PHLDB2: variants seen among roughly 807,000 people sequenced by gnomAD.
PHLDB2 encodes the protein pleckstrin homology like domain family B member 2.
A neutral mutation model predicts 123.6 loss-of-function variants in PHLDB2; 71 were observed. That is an observed-to-expected ratio of 0.57 (90% confidence interval 0.47 to 0.70). PHLDB2 has a LOEUF of 0.70. Among genes scored for constraint, PHLDB2 ranks in the 30% least tolerant of loss-of-function variants. The pLI is 0.00. For missense variants in PHLDB2, 1,446 were observed against 1,519.5 expected (o/e 0.95, Z 0.80); for synonymous variants, 547 against 541.6 (o/e 1.01, Z -0.14).
chr3:111,821,487 T>C (rs948799604), intron 1 of PHLDB2, among the ~76,000 whole-genome samples: 3 of 152,210 alleles, frequency 2.0e-5, no homozygotes, highest in Non-Finnish European at 4.4e-5. Context: ...TTTGATGCTG[T>C]AGCTCGAGGC....
chr3:111,848,301 T>C (rs1259244671), intron 2 of PHLDB2, among the ~76,000 whole-genome samples: 1 of 152,198 alleles, frequency 6.6e-6, no homozygotes, highest in Non-Finnish European at 1.5e-5. Flanking sequence ...AGGGTAAGGT[T>C]ACCCCCCGCC....
At chr3:111,924,781 TAGGAAAAA>T (rs1308367223) in intron 5 of PHLDB2, among the ~76,000 whole-genome samples, 1 of 152,158 alleles carries the variant, frequency 6.6e-6, no homozygotes, top group Non-Finnish European at 1.5e-5. Context: ...GCCGGAGCCA[TAGGAAAAA>T]GGTTTAATAA....
At chr3:111,754,955 A>C (rs1333940107) in intron 1 of PHLDB2, among the ~76,000 whole-genome samples, 1 of 145,968 alleles carries the variant, frequency 6.9e-6, no homozygotes, top group Non-Finnish European at 1.5e-5. Context: ...GATTACATTT[A>C]TTGATTTGCA....
At chr3:111,956,109 C>T (rs561811254) in intron 12 of PHLDB2, among the ~76,000 whole-genome samples, 46 of 152,264 alleles carry the variant, frequency 3.0e-4, no homozygotes, top group Admixed American at 1.9e-3. Flanking sequence ...GTAGGAGGAT[C>T]GCTTGAGCCT....
At chr3:111,753,661 C>T (rs1288391038) in intron 1 of PHLDB2, among the ~76,000 whole-genome samples, 2 of 152,046 alleles carry the variant, frequency 1.3e-5, no homozygotes, top group Non-Finnish European at 2.9e-5. Flanking sequence ...TAATTAGATC[C>T]CATTTGTGAA....
intron 1 of PHLDB2, among the ~76,000 whole-genome samples, chr3:111,821,598 G>A (rs996997860): frequency 1.3e-5 from 2 of 152,110 alleles, no homozygotes; most frequent in Admixed American, 6.6e-5. Context: ...CCACAATATG[G>A]AGGTAAACTG....
chr3:111,780,294 AGAG>A (rs1371011485), intron 1 of PHLDB2, among the ~76,000 whole-genome samples: 559 of 4,702 alleles, frequency 0.12, 174 homozygotes, highest in Non-Finnish European at 0.22. Context: ...AAGAAGAAGA[AGAG>A]GAAGAGGAAG....
chr3:111,809,235 T>C (rs2061726445), intron 1 of PHLDB2, among the ~76,000 whole-genome samples: 1 of 152,240 alleles, frequency 6.6e-6, no homozygotes, highest in African/African-American at 2.4e-5. Flanking sequence ...CCTGGGAAAC[T>C]CACTAATGTA....
At chr3:111,943,680 GAACAA>G (rs1479629623) in intron 8 of PHLDB2, among the ~76,000 whole-genome samples, 1 of 152,114 alleles carries the variant, frequency 6.6e-6, no homozygotes, top group Non-Finnish European at 1.5e-5. Flanking sequence ...ATATGAATTA[GAACAA>G]CAATTTAATT....
rs2071790089 is a variant in PHLDB2 at position 111,966,684 on chromosome 3, C to CG, written c.3150dup (p.Arg1051AlafsTer36). ...TTGAAGCAGGCTCATGCAGAAAAGA[C>CG]GCGGCTGCTCGAATCCAGGGTAAGC... is the stretch of plus-strand genomic sequence containing the variant. On this transcript the variant is annotated frameshift_variant, in exon 14 of 18. Coordinates refer to ENST00000431670, the MANE Select transcript of PHLDB2 (RefSeq NM_001134438.2). LOFTEE classifies it high-confidence loss of function. The CG allele has an allele frequency of 6.2e-7, 1 of 1,612,788 alleles. No homozygotes were observed. Among genetic ancestry groups the CG allele is most frequent in the Non-Finnish European group, 8.5e-7 (1 of 1,179,396 alleles).
chr3:111,800,130 T>G (rs540442179), intron 1 of PHLDB2, among the ~76,000 whole-genome samples: 11 of 152,122 alleles, frequency 7.2e-5, no homozygotes, highest in Admixed American at 7.2e-4. Flanking sequence ...TTCAACCTTC[T>G]GAGTAGCTAG....
chr3:111,782,535 C>T (rs1397980782), intron 1 of PHLDB2, among the ~76,000 whole-genome samples: 1 of 152,078 alleles, frequency 6.6e-6, no homozygotes, highest in Non-Finnish European at 1.5e-5. Flanking sequence ...TCTACTCTCC[C>T]CATAAGCTTG....
rs1228893657 is a variant in PHLDB2, at chr3:111,973,721, T to C, written c.3536-11T>C. 4 of 1,544,810 alleles carry C rather than the reference T, an allele frequency of 2.6e-6. No individual in the cohort carries two copies. The highest frequency in any genetic ancestry group is 3.6e-6 in the Non-Finnish European group (4 of 1,124,248). Reference sequence around the variant, plus strand: ...GGCGATAAAGTATTTAACACTTATCTGTCTTTGCAGACAAGCATGAAACTA... The same window carrying C: ...GGCGATAAAGTATTTAACACTTATCCGTCTTTGCAGACAAGCATGAAACTA... On this transcript the variant is annotated splice_polypyrimidine_tract_variant and intron_variant, in intron 16 of 17. Coordinates refer to ENST00000431670, the MANE Select transcript of PHLDB2 (RefSeq NM_001134438.2).
chr3:111,789,829 G>T (rs1356912600), intron 1 of PHLDB2, among the ~76,000 whole-genome samples: 1 of 152,068 alleles, frequency 6.6e-6, no homozygotes, highest in African/African-American at 2.4e-5. Flanking sequence ...ATTTTTGTTT[G>T]GCCCTTGTCT....
At chr3:111,816,909 T>C (rs2062103395) in intron 1 of PHLDB2, among the ~76,000 whole-genome samples, 1 of 152,170 alleles carries the variant, frequency 6.6e-6, no homozygotes, top group Non-Finnish European at 1.5e-5. Context: ...GGGGTGAGTC[T>C]TTCCTGCAGT....
chr3:111,878,088 G>A (rs1312106954), intron 1 of PHLDB2, among the ~76,000 whole-genome samples: 2 of 152,198 alleles, frequency 1.3e-5, no homozygotes, highest in Admixed American at 6.5e-5. Flanking sequence ...GTTCTGTGAA[G>A]AAAGTCAATG....
intron 1 of PHLDB2, among the ~76,000 whole-genome samples, chr3:111,834,134 T>A (rs62635975): frequency 0.17 from 3,435 of 20,546 alleles, 319 homozygotes; most frequent in Non-Finnish European, 0.23. Flanking sequence ...TATATATATA[T>A]TATATGTAAT....
At position 111,974,443 on chromosome 3, in the gene PHLDB2, C is replaced by G. The variant is rs1481620247; in HGVS notation, c.3642C>G (p.Thr1214=). Residue 1214 remains threonine (T), a synonymous_variant, in exon 18 of 18, where the codon ACC becomes ACG. Coordinates refer to ENST00000431670, the MANE Select transcript of PHLDB2 (RefSeq NM_001134438.2). The part of the protein sequence containing the change: ...NANKSPNPLL[T]FSVKTHDRIY... ...TTTAGAGTCCTAATCCGTTACTCACCTTTAGCGTCAAGACTCATGACAGAA... is the reference window on the plus strand; with the variant it reads ...TTTAGAGTCCTAATCCGTTACTCACGTTTAGCGTCAAGACTCATGACAGAA... 1.2e-6 allele frequency: 2 copies of G among 1,609,790 alleles called. No homozygotes were observed. The highest frequency in any genetic ancestry group is 1.3e-5 in the African/African-American group (1 of 74,812).
At chr3:111,956,645 T>C (rs2071079440) in intron 12 of PHLDB2, among the ~76,000 whole-genome samples, 1 of 152,158 alleles carries the variant, frequency 6.6e-6, no homozygotes, top group South Asian at 2.1e-4. Context: ...ATATGCGTGT[T>C]GGTCCAAGGA....
Sources: allele counts gnomAD v4.1 joint callset (sites outside exome capture counted in the v4.1 genomes callset), GRCh38; gene constraint gnomAD v4.1.1; transcripts MANE v1.5; gene names NCBI Gene and HGNC (gene_info 2026-07-23, HGNC 2026-07-21).